Variants in UBE2E2 observed in about 807,000 individuals in gnomAD.
UBE2E2 encodes ubiquitin conjugating enzyme E2 E2.
Under a neutral mutation model 24.7 loss-of-function variants are expected in UBE2E2, and 6 were observed. That is an observed-to-expected ratio of 0.24 (90% CI 0.13 to 0.48). The LOEUF (loss-of-function observed/expected upper bound fraction) is 0.48, where lower values mean the gene tolerates loss of function less well. Ranked by LOEUF, UBE2E2 falls within the 20% of genes least tolerant of loss-of-function variation. UBE2E2 has a pLI of 0.99. For missense variants in UBE2E2, 169 were observed against 245.0 expected (o/e 0.69, Z 2.07); for synonymous variants, 104 against 83.6 (o/e 1.24, Z -1.33).
At chr3:23,274,137 A>C (rs972727246) in intron 3 of UBE2E2, among the ~76,000 whole-genome samples, 2 of 152,180 alleles carry the variant, frequency 1.3e-5, no homozygotes, top group Non-Finnish European at 2.9e-5. Flanking sequence ...ATTTGTCTCT[A>C]TATGTGTTGC....
At chr3:23,534,140 T>TC in intron 5 of UBE2E2, 1 of 946,768 alleles carries the variant, frequency 1.1e-6, no homozygotes, top group Non-Finnish European at 1.3e-6. Context: ...TTTTTTTTTT[T>TC]TTTTTTTTTG....
intron 3 of UBE2E2, among the ~76,000 whole-genome samples, chr3:23,268,015 C>T (rs1465772650): frequency 6.6e-6 from 1 of 151,568 alleles, no homozygotes; most frequent in East Asian, 1.9e-4. Flanking sequence ...ACTCTTCATG[C>T]TAAAAACTCT....
At chr3:23,343,347 A>G (rs893414727) in intron 3 of UBE2E2, among the ~76,000 whole-genome samples, 2 of 152,154 alleles carry the variant, frequency 1.3e-5, no homozygotes. Flanking sequence ...AGGCTGAGGC[A>G]GGTGGATCAC....
chr3:23,322,107 A>G (rs772124757), intron 3 of UBE2E2, among the ~76,000 whole-genome samples: 9 of 152,234 alleles, frequency 5.9e-5, no homozygotes, highest in Non-Finnish European at 1.2e-4. Flanking sequence ...AAGAATGCTA[A>G]TAACCTTTCA....
intron 4 of UBE2E2, among the ~76,000 whole-genome samples, chr3:23,513,737 C>T (rs527770857): frequency 5.0e-4 from 76 of 152,176 alleles, no homozygotes; most frequent in Admixed American, 1.2e-3. Context: ...AATATTTGAC[C>T]TTTATGAATC....
chr3:23,205,091 C>G (rs1057128548), intron 1 of UBE2E2, among the ~76,000 whole-genome samples: 2 of 152,162 alleles, frequency 1.3e-5, no homozygotes, highest in African/African-American at 4.8e-5. Flanking sequence ...GGGTACATAG[C>G]TAATACAAGC....
At chr3:23,362,226 G>C (rs973989973) in intron 3 of UBE2E2, among the ~76,000 whole-genome samples, 3 of 152,158 alleles carry the variant, frequency 2.0e-5, no homozygotes, top group African/African-American at 7.2e-5. Flanking sequence ...ACAAAGAAGG[G>C]CATCAATCTA....
intron 5 of UBE2E2, among the ~76,000 whole-genome samples, chr3:23,556,910 C>T (rs1341012400): frequency 1.3e-5 from 2 of 152,160 alleles, no homozygotes; most frequent in Admixed American, 6.6e-5. Flanking sequence ...AGTAAGTCCT[C>T]ATTTAACATT....
intron 3 of UBE2E2, among the ~76,000 whole-genome samples, chr3:23,300,141 T>C (rs1247802169): frequency 6.6e-6 from 1 of 152,232 alleles, no homozygotes; most frequent in Non-Finnish European, 1.5e-5. Context: ...GCTTGGTAGA[T>C]CTTCCTCCAT....
chr3:23,577,634 C>T (rs1363693568), intron 5 of UBE2E2, among the ~76,000 whole-genome samples: 1 of 152,234 alleles, frequency 6.6e-6, no homozygotes, highest in Non-Finnish European at 1.5e-5. Context: ...ATAGAAGCTA[C>T]AGCAAGTTGT....
chr3:23,308,918 C>T (rs1699304951), intron 3 of UBE2E2, among the ~76,000 whole-genome samples: 1 of 152,162 alleles, frequency 6.6e-6, no homozygotes. Flanking sequence ...GTACAAGTCC[C>T]ACAGTCCAAA....
chr3:23,278,736 G>C (rs1382996968), intron 3 of UBE2E2, among the ~76,000 whole-genome samples: 1 of 152,044 alleles, frequency 6.6e-6, no homozygotes, highest in Non-Finnish European at 1.5e-5. Flanking sequence ...CTAATAAAAT[G>C]ATCAGTATTA....
chr3:23,576,864 A>G (rs147614987), intron 5 of UBE2E2, among the ~76,000 whole-genome samples: 4 of 152,082 alleles, frequency 2.6e-5, no homozygotes, highest in African/African-American at 7.2e-5. Context: ...GCTAAAAGGC[A>G]GTACTGGCAC....
chr3:23,215,446 C>T (rs1696450022), intron 2 of UBE2E2, among the ~76,000 whole-genome samples: 1 of 152,100 alleles, frequency 6.6e-6, no homozygotes. Flanking sequence ...ATCTTTCTCT[C>T]CCCACCTCAC....
intron 3 of UBE2E2, among the ~76,000 whole-genome samples, chr3:23,488,506 T>C (rs1699428637): frequency 1.3e-5 from 2 of 152,220 alleles, no homozygotes; most frequent in Admixed American, 6.5e-5. Flanking sequence ...GTCCCTCAGA[T>C]CTGCCCCATC....
intron 3 of UBE2E2, among the ~76,000 whole-genome samples, chr3:23,328,990 T>C (rs1403268201): frequency 6.6e-6 from 1 of 152,222 alleles, no homozygotes; most frequent in East Asian, 1.9e-4. Context: ...ATAGGCTTTT[T>C]GCACATGCAC....
intron 3 of UBE2E2, among the ~76,000 whole-genome samples, chr3:23,349,345 T>C (rs922822142): frequency 3.9e-5 from 6 of 152,260 alleles, no homozygotes; most frequent in Admixed American, 3.3e-4. Flanking sequence ...TCTGAGGTAC[T>C]GGGTTCATCT....
At chr3:23,228,498 A>C (rs1314904269) in intron 3 of UBE2E2, among the ~76,000 whole-genome samples, 1 of 152,026 alleles carries the variant, frequency 6.6e-6, no homozygotes, top group Non-Finnish European at 1.5e-5. Context: ...ATATCCTGAA[A>C]CTGTATTCTT....
chr3:23,539,325 G>T (rs1443203811), intron 5 of UBE2E2, among the ~76,000 whole-genome samples: 1 of 152,060 alleles, frequency 6.6e-6, no homozygotes, highest in Non-Finnish European at 1.5e-5. Flanking sequence ...CTAAAACTTT[G>T]TTACTTTCAT....
Sources: allele counts gnomAD v4.1 joint callset (sites outside exome capture counted in the v4.1 genomes callset), GRCh38; gene constraint gnomAD v4.1.1; transcripts MANE v1.5; gene names NCBI Gene and HGNC (gene_info 2026-07-23, HGNC 2026-07-21).